SPIB: variants seen among roughly 807,000 people sequenced by gnomAD.
The protein encoded by SPIB is transcription factor Spi-B.
A neutral mutation model predicts 31.9 loss-of-function variants in SPIB; 7 were observed. The ratio of observed to expected loss-of-function variants is 0.22; its 90% confidence interval spans 0.12 to 0.41. The LOEUF (loss-of-function observed/expected upper bound fraction) is 0.41. SPIB is among the 10% of genes least tolerant of loss of function. The pLI is 1.00. For synonymous variants in SPIB, 176 were observed against 158.9 expected, an observed-to-expected ratio of 1.11 and a Z score of -0.81; for missense variants, 327 against 360.2, an observed-to-expected ratio of 0.91 and a Z score of 0.75.
chr19:50,420,870 C>T (rs1332554448), intron 2 of SPIB, among the ~76,000 whole-genome samples: 3 of 152,214 alleles, frequency 2.0e-5, no homozygotes, highest in African/African-American at 7.2e-5. Context: ...TCAAGTGATC[C>T]TCCCACCTCA....
chr19:50,428,042 T>C lies in SPIB; in HGVS notation c.495T>C (p.Thr165=). 6.6e-7 allele frequency: 1 copy of C among 1,520,900 alleles called. No homozygotes were observed. Among genetic ancestry groups the C allele is most frequent in the Non-Finnish European group, 8.9e-7 (1 of 1,127,770 alleles). The allele number at this position is 1,520,900 out of a possible 1,614,324, so 94.2% of individuals were successfully genotyped here. ...GTGCCCCCGACCCCACCGCAGGGAC[T>C]CGCAAGAAGCTGCGCCTGTACCAGT... ...GPEGKGSEAG[T]RKKLRLYQFL... Residue 165 remains threonine (T), a synonymous_variant, in exon 6 of 6, where the codon ACT becomes ACC. Transcript: ENST00000595883. The surrounding 1 kb of genome is among the most constrained non-coding windows in gnomAD (Gnocchi z 6.5).
In SPIB at chr19:50,428,395, C is replaced by A. The variant is rs2039598030; in HGVS notation, c.*59C>A. ...GGGGACCTCACGTCCCAGCCAGGAT[C>A]CCCCTGGAAGAAAAAGGGCGTCCCC... On this transcript the variant is annotated 3_prime_UTR_variant, in exon 6 of 6. Coordinates refer to ENST00000595883, the MANE Select transcript of SPIB (RefSeq NM_003121.5). The surrounding 1 kb of genome is among the most constrained non-coding windows in gnomAD (Gnocchi z 6.5). 15 of 1,467,440 alleles carry A rather than the reference C, an allele frequency of 1.0e-5. No homozygotes were observed. Among genetic ancestry groups the A allele is most frequent in the African/African-American group, 1.4e-5 (1 of 70,362 alleles). The allele number at this position is 1,467,440 out of a possible 1,614,324, so 90.9% of individuals were successfully genotyped here.
intron 4 of SPIB, 118 bp from the exon 5 acceptor site, chr19:50,423,487 C>T (rs2039526044): frequency 7.1e-6 from 10 of 1,413,526 alleles, no homozygotes; most frequent in Non-Finnish European, 8.6e-6. Context: ...AGGCCAAAAT[C>T]TAGGCTGTCA....
chr19:50,429,377 A>G lies in SPIB; in HGVS notation c.*1041A>G, dbSNP rs568704692. The G allele has an allele frequency of 6.6e-6, 1 of 152,472 alleles. No homozygotes were observed. The highest frequency in any genetic ancestry group is 2.4e-5 in the African/African-American group (1 of 41,498). 9.4% of individuals were successfully genotyped at this position (152,472 alleles called of 1,614,324 possible). Reference sequence around the variant, plus strand: ...GGTGGTCTCTTTAGTGCACTGTAGCACTTGGTGGTGGAGGTGTGAGGGATC... The same window carrying G: ...GGTGGTCTCTTTAGTGCACTGTAGCGCTTGGTGGTGGAGGTGTGAGGGATC... On this transcript the variant is annotated 3_prime_UTR_variant, in exon 6 of 6. Coordinates refer to ENST00000595883, the MANE Select transcript of SPIB (RefSeq NM_003121.5).
Position 50,428,472 on chromosome 19 carries a change from T to C in SPIB, c.*136T>C, listed in dbSNP as rs1295312541. ...TCCCCACCTTTTGGGGTAAGGGGAG[T>C]GCTGCCCTGCCATAATCCCCAAGCC... On this transcript the variant is annotated 3_prime_UTR_variant, in exon 6 of 6. Coordinates refer to ENST00000595883, the MANE Select transcript of SPIB (RefSeq NM_003121.5). This position sits in a 1 kb window ranked among gnomAD's most constrained non-coding sequence, Gnocchi z 6.5. 5 of 1,017,680 alleles carry C rather than the reference T, an allele frequency of 4.9e-6. No individual in the cohort carries two copies. Among genetic ancestry groups the C allele is most frequent in the Non-Finnish European group, 6.9e-6 (5 of 722,512 alleles). 63.0% of individuals were successfully genotyped at this position (1,017,680 alleles called of 1,614,324 possible). A position where few individuals can be genotyped will look rare whatever the true frequency, so the allele number is the denominator to read the frequency against.
intron 2 of SPIB, among the ~76,000 whole-genome samples, chr19:50,421,586 G>C (rs918126582): frequency 2.6e-5 from 4 of 151,722 alleles, no homozygotes; most frequent in African/African-American, 4.8e-5. Flanking sequence ...CTTCCAAAGT[G>C]CTGGGATTAC....
Position 50,418,953 on chromosome 19 carries a change from C to A in SPIB, c.-10C>A. On this transcript the variant is annotated 5_prime_UTR_variant, in exon 1 of 6. Coordinates refer to ENST00000595883, the MANE Select transcript of SPIB (RefSeq NM_003121.5). The surrounding 1 kb of genome is among the most constrained non-coding windows in gnomAD (Gnocchi z 6.0). ...TGCAGCGGGCGGCAAACAGCCCGCC[C>A]GGCACCACCATGCTCGCCCTGGAGG... The A allele has an allele frequency of 2.6e-6, 4 of 1,553,756 alleles. No homozygotes were observed. Among genetic ancestry groups the A allele is most frequent in the Non-Finnish European group, 2.6e-6 (3 of 1,149,048 alleles).
intron 3 of SPIB, 42 bp from the exon 4 acceptor site, chr19:50,422,780 TC>T (rs755544665): frequency 1.0e-5 from 14 of 1,351,506 alleles, no homozygotes; most frequent in African/African-American, 1.4e-5. Flanking sequence ...CGAGGAGGCC[TC>T]CGTGAGACAT....
intron 2 of SPIB, among the ~76,000 whole-genome samples, chr19:50,421,302 C>A (rs573399307): frequency 2.6e-5 from 4 of 152,122 alleles, no homozygotes; most frequent in South Asian, 2.1e-4. Context: ...ATTCATGGGG[C>A]GAATCAACAT....
chr19:50,423,343 C>G (rs1015901361), intron 4 of SPIB: 1 of 525,494 alleles, frequency 1.9e-6, no homozygotes, highest in Admixed American at 3.4e-5. Flanking sequence ...TCCGTTGTTG[C>G]CCCTCTGAAC....
intron 2 of SPIB, among the ~76,000 whole-genome samples, chr19:50,422,138 G>A (rs62116060): frequency 0.61 from 93,174 of 152,114 alleles, 31,673 homozygotes; most frequent in Non-Finnish European, 0.76. Flanking sequence ...GAGCCCCCAG[G>A]CAGGCAAGGC....
At chr19:50,427,386 A>T (rs2122556861) in intron 5 of SPIB, among the ~76,000 whole-genome samples, 1 of 152,280 alleles carries the variant, frequency 6.6e-6, no homozygotes, top group Middle Eastern at 3.4e-3. Context: ...TAAGCCGGGC[A>T]TGGTGGCAGA....
chr19:50,428,381 G>A lies in SPIB; in HGVS notation c.*45G>A, dbSNP rs1364606500. 2.0e-6 allele frequency: 3 copies of A among 1,488,430 alleles called. No homozygotes were observed. Among genetic ancestry groups the A allele is most frequent in the Non-Finnish European group, 2.7e-6 (3 of 1,117,180 alleles). 92.2% of individuals were successfully genotyped at this position (1,488,430 alleles called of 1,614,324 possible). A position where few individuals can be genotyped will look rare whatever the true frequency, so the allele number is the denominator to read the frequency against. ...CTGCGGAGCCGCTGGGGGACCTCAC[G>A]TCCCAGCCAGGATCCCCCTGGAAGA... On this transcript the variant is annotated 3_prime_UTR_variant, in exon 6 of 6. Transcript: ENST00000595883. The surrounding 1 kb of genome is among the most constrained non-coding windows in gnomAD (Gnocchi z 6.5).
chr19:50,427,136 A>G (rs965766518), intron 5 of SPIB, among the ~76,000 whole-genome samples: 11 of 151,844 alleles, frequency 7.2e-5, no homozygotes, highest in African/African-American at 2.7e-4. Flanking sequence ...CCTTGAAAAA[A>G]AAGAAATTAA....
In SPIB at chr19:50,428,368, TG is replaced by T; in HGVS notation, c.*37del. ...CCGAGGCTCCCACCTGCGGAGCCGC[TG>T]GGGGACCTCACGTCCCAGCCAGGAT... On this transcript the variant is annotated 3_prime_UTR_variant, in exon 6 of 6. Transcript: ENST00000595883. This position sits in a 1 kb window ranked among gnomAD's most constrained non-coding sequence, Gnocchi z 6.5. 6.6e-7 allele frequency: 1 copy of T among 1,507,466 alleles called. No individual in the cohort carries two copies. 93.4% of individuals were successfully genotyped at this position (1,507,466 alleles called of 1,614,324 possible).
At chr19:50,423,808 G>A (rs2039532910) in intron 5 of SPIB, 53 bp downstream of exon 5, 3 of 1,548,370 alleles carry the variant, frequency 1.9e-6, no homozygotes, top group East Asian at 2.4e-5. Flanking sequence ...TGGTGGGGGG[G>A]CTGAGAGCAC....
intron 1 of SPIB, among the ~76,000 whole-genome samples, chr19:50,419,227 CGTG>C (rs1427379703): frequency 2.0e-5 from 3 of 152,300 alleles, no homozygotes; most frequent in African/African-American, 7.2e-5. Flanking sequence ...CACTTGCTAG[CGTG>C]CCCTCCTGCG....
In SPIB at chr19:50,422,540, C is replaced by G. The variant is rs756505597; in HGVS notation, c.119C>G (p.Ala40Gly). The change falls in exon 3 of 6, where the codon GCT becomes GGT. Residue 40 changes from alanine (A) to glycine (G), a missense_variant. Coordinates refer to ENST00000595883, the MANE Select transcript of SPIB (RefSeq NM_003121.5). ...TCCAGCTACCCTGATTCAGAGGGGG[C>G]TCCTGGTGAGTGACCCCAGCCCTGT... is the stretch of plus-strand genomic sequence containing the variant. The part of the protein sequence containing the change: ...KHSSYPDSEG[A>G]PDSLWDWTVA... 3 of 1,613,892 alleles carry G rather than the reference C, an allele frequency of 1.9e-6. No individual in the cohort carries two copies. The highest frequency in any genetic ancestry group is 1.7e-6 in the Non-Finnish European group (2 of 1,179,912).
intron 3 of SPIB, 89 bp downstream of exon 3, chr19:50,422,634 A>C: frequency 6.9e-7 from 1 of 1,440,056 alleles, no homozygotes; most frequent in Non-Finnish European, 9.6e-7. Flanking sequence ...ATTTCCTAGC[A>C]CAACAGGATA....
Sources: allele counts gnomAD v4.1 joint callset (sites outside exome capture counted in the v4.1 genomes callset), GRCh38; gene constraint gnomAD v4.1.1; non-coding constraint Gnocchi (gnomAD v3.1); transcripts MANE v1.5; gene names NCBI Gene and HGNC (gene_info 2026-07-23, HGNC 2026-07-21).